The following M1AP variants were observed in gnomAD, a reference collection of about 807,000 sequenced individuals.
The protein encoded by M1AP is meiosis 1 associated protein, also known as meiosis 1 arrest protein.
In M1AP, 39 loss-of-function variants were observed where a neutral mutation model predicts 51.2. The observed-to-expected ratio is 0.76, with a 90% CI of 0.59 to 1.00. M1AP has a LOEUF of 1.00. Among genes scored for constraint, M1AP ranks in the 50% least tolerant of loss-of-function variants. M1AP has a pLI of 0.00. For missense variants in M1AP, 545 were observed against 641.2 expected, an observed-to-expected ratio of 0.85 and a Z score of 1.62; for synonymous variants, 251 against 249.2, an observed-to-expected ratio of 1.01 and a Z score of -0.07.
chr2:74,585,512 G>A (rs144273770), intron 4 of M1AP, among the ~76,000 whole-genome samples: 8 of 152,310 alleles, frequency 5.3e-5, no homozygotes, highest in African/African-American at 1.9e-4. Flanking sequence ...CCTCCTGGCA[G>A]CCAGCCAGGC....
intron 2 of M1AP, among the ~76,000 whole-genome samples, chr2:74,633,466 T>C (rs900662902): frequency 1.3e-5 from 2 of 152,174 alleles, no homozygotes; most frequent in Non-Finnish European, 2.9e-5. Flanking sequence ...GCAAGAATCC[T>C]GTAAGTCAGT....
At chr2:74,559,270 G>A (rs1254964368) in intron 10 of M1AP, among the ~76,000 whole-genome samples, 3 of 151,532 alleles carry the variant, frequency 2.0e-5, no homozygotes, top group Admixed American at 1.3e-4. Context: ...GCAATCCCCC[G>A]ACCTTAGCCT....
rs118020971 is a variant in M1AP at position 74,580,200 on chromosome 2, T to C, written c.769+1474A>G. On this transcript the variant is annotated intron_variant, in intron 5 of 10. Transcript: ENST00000421985. ...ACATATGGTAACAGTATCTGCCTCA[T>C]AGTGTTATGTGAAGATAAAATGGGA... is the stretch of plus-strand genomic sequence containing the variant. 4.0e-3 allele frequency among the ~76,000 whole-genome samples: 615 copies of C among 152,344 alleles called. 40 individuals carry two copies. In the East Asian group the frequency reaches 0.096, roughly 24 times the overall value.
At chr2:74,613,467 GA>G (rs1295916108) in intron 3 of M1AP, among the ~76,000 whole-genome samples, 3 of 152,206 alleles carry the variant, frequency 2.0e-5, no homozygotes, top group Admixed American at 6.5e-5. Flanking sequence ...TCTGGACTGT[GA>G]ACTTTACAAG....
intron 4 of M1AP, among the ~76,000 whole-genome samples, chr2:74,601,729 C>G (rs1188675646): frequency 1.3e-5 from 2 of 151,996 alleles, no homozygotes; most frequent in African/African-American, 4.8e-5. Flanking sequence ...TATAGAAAAC[C>G]TTAACTAATG....
Position 74,621,387 on chromosome 2 carries a change from T to C in M1AP, c.241-6238A>G, listed in dbSNP as rs565003909. The stretch of plus-strand genomic sequence containing the variant: ...CTGATCCAGCCGGGCCTCTGTCAAA[T>C]ATGGCAGCCACTGGCCGCCTGTGGT... On this transcript the variant is annotated intron_variant, in intron 2 of 10. Transcript: ENST00000421985. 1.1e-4 allele frequency among the ~76,000 whole-genome samples: 16 copies of C among 152,194 alleles called. No homozygotes were observed. In the South Asian group the frequency reaches 3.3e-3, roughly 32 times the overall value.
chr2:74,617,055 G>A (rs1289268867), intron 2 of M1AP, among the ~76,000 whole-genome samples: 3 of 152,182 alleles, frequency 2.0e-5, no homozygotes, highest in African/African-American at 7.2e-5. Context: ...ACTCCAATTT[G>A]AGAATATGTA....
At chr2:74,628,347 G>C (rs1454208528) in intron 2 of M1AP, 2 of 377,634 alleles carry the variant, frequency 5.3e-6, no homozygotes, top group East Asian at 1.3e-4. Context: ...ATCATCTCCA[G>C]TGTTTCGTCT....
rs932819130 is a variant in M1AP, at chr2:74,622,072, A to T, written c.241-6923T>A. 2.0e-5 allele frequency among the ~76,000 whole-genome samples: 3 copies of T among 151,600 alleles called. No individual in the cohort carries two copies. The East Asian group carries it at 5.8e-4, about 29-fold the overall frequency. ...GAGGCAGAGGATGCAGTGAGCTGAG[A>T]TCATGCCACTGCACTCCAGCCTGGG... is the stretch of plus-strand genomic sequence containing the variant. On this transcript the variant is annotated intron_variant, in intron 2 of 10. Transcript: ENST00000421985.
intron 2 of M1AP, among the ~76,000 whole-genome samples, chr2:74,633,206 TG>T (rs1418214138): frequency 3.3e-5 from 5 of 152,330 alleles, no homozygotes; most frequent in African/African-American, 9.6e-5. Flanking sequence ...CAGATTGCCA[TG>T]GGATGGCTGC....
chr2:74,610,563 C>T (rs538956836), intron 3 of M1AP, among the ~76,000 whole-genome samples: 13 of 152,266 alleles, frequency 8.5e-5, no homozygotes, highest in African/African-American at 2.9e-4. Context: ...ATCCTCTTGC[C>T]TTAGCCTCCT....
chr2:74,558,245 G>T lies in M1AP; in HGVS notation c.*471C>A, dbSNP rs1014388460. On this transcript the variant is annotated 3_prime_UTR_variant, in exon 11 of 11. Transcript: ENST00000421985. Reference sequence around the variant, plus strand: ...TTGTCTCTTTGGAGGCTGAAGCCTGGTGGTGTAGTGGGAAGGGCACAGGCT... The same window carrying T: ...TTGTCTCTTTGGAGGCTGAAGCCTGTTGGTGTAGTGGGAAGGGCACAGGCT... 4.9e-5 allele frequency: 8 copies of T among 161,682 alleles called. No homozygotes were observed. Among genetic ancestry groups the T allele is most frequent in the Non-Finnish European group, 2.7e-5 (2 of 74,800 alleles). The allele number at this position is 161,682 out of a possible 1,614,324, so 10.0% of individuals were successfully genotyped here.
At chr2:74,593,188 AAG>A (rs974509399) in intron 4 of M1AP, among the ~76,000 whole-genome samples, 1 of 152,166 alleles carries the variant, frequency 6.6e-6, no homozygotes, top group Non-Finnish European at 1.5e-5. Context: ...AAATCTCCTA[AAG>A]AGAGAGAGTG....
intron 4 of M1AP, among the ~76,000 whole-genome samples, chr2:74,603,407 T>G (rs1558673722): frequency 6.6e-6 from 1 of 152,238 alleles, no homozygotes; most frequent in Non-Finnish European, 1.5e-5. Context: ...AAAGCAATGG[T>G]GAACGATTCT....
At chr2:74,619,129 TC>T in intron 2 of M1AP, 1 of 285,350 alleles carries the variant, frequency 3.5e-6, no homozygotes. Context: ...CGGCACAGGT[TC>T]CAGGTCCTTC....
chr2:74,588,190 G>T (rs2104618270), intron 4 of M1AP, among the ~76,000 whole-genome samples: 2 of 152,250 alleles, frequency 1.3e-5, no homozygotes, highest in African/African-American at 4.8e-5. Flanking sequence ...TGTCATGGAT[G>T]GGCTTCAGAC....
intron 2 of M1AP, among the ~76,000 whole-genome samples, chr2:74,629,666 C>T (rs548203470): frequency 3.0e-4 from 46 of 152,008 alleles, no homozygotes; most frequent in African/African-American, 6.0e-4. Context: ...GCAGGAGAAT[C>T]GCTTGAACCT....
intron 4 of M1AP, among the ~76,000 whole-genome samples, chr2:74,587,679 G>A (rs2104616159): frequency 6.6e-6 from 1 of 152,244 alleles, no homozygotes; most frequent in South Asian, 2.1e-4. Context: ...CTCACTGGCT[G>A]GGGAGCAGGG....
In M1AP at chr2:74,595,765, A is replaced by G. The variant is rs138640194; in HGVS notation, c.595+11290T>C. Among the ~76,000 whole-genome samples the G allele has an allele frequency of 2.4e-3, 365 of 152,354 alleles. 1 individual carries two copies. Among genetic ancestry groups the G allele is most frequent in the African/African-American group, 8.6e-3 (357 of 41,594 alleles). On this transcript the variant is annotated intron_variant, in intron 4 of 10. Coordinates refer to ENST00000421985, the MANE Select transcript of M1AP (RefSeq NM_001321739.2). Reference sequence around the variant, plus strand: ...TAATAGCAAGTTTTCTATATTTTACATGAAATGGTACTATATATATTAATT... The same window carrying G: ...TAATAGCAAGTTTTCTATATTTTACGTGAAATGGTACTATATATATTAATT...
Sources: gnomAD v4.1 joint callset for allele counts (sites outside exome capture counted in the v4.1 genomes callset) on GRCh38, gnomAD v4.1.1 for gene constraint, MANE v1.5 for transcripts, NCBI Gene and HGNC (gene_info 2026-07-23, HGNC 2026-07-21) for gene names.